The following MSRA variants were observed in gnomAD, a reference collection of about 807,000 sequenced individuals.
MSRA encodes the protein mitochondrial peptide methionine sulfoxide reductase.
Under a neutral mutation model 31.3 loss-of-function variants are expected in MSRA, and 54 were observed. That is an observed-to-expected ratio of 1.73 (90% CI 1.39 to 2.17). The LOEUF is 2.17. MSRA is among the 30% of genes most tolerant of loss of function. The pLI, the probability that MSRA is intolerant of heterozygous loss-of-function variation, is 0.00. For missense variants in MSRA, 507 were observed against 300.9 expected (o/e 1.69, Z -5.07); for synonymous variants, 169 against 116.5 (o/e 1.45, Z -2.90).
intron 2 of MSRA, among the ~76,000 whole-genome samples, chr8:10,222,269 A>G (rs1810582809): frequency 6.6e-6 from 1 of 152,178 alleles, no homozygotes; most frequent in South Asian, 2.1e-4. Context: ...CTCAAATGCC[A>G]TATTTTCATA....
At chr8:10,280,883 A>G (rs1243905162) in intron 3 of MSRA, among the ~76,000 whole-genome samples, 5 of 152,254 alleles carry the variant, frequency 3.3e-5, no homozygotes, top group East Asian at 1.9e-4. Flanking sequence ...AATGTGCTAC[A>G]TGAAAGAATC....
intron 3 of MSRA, among the ~76,000 whole-genome samples, chr8:10,276,291 G>T (rs1011718649): frequency 6.6e-6 from 1 of 152,218 alleles, no homozygotes; most frequent in Non-Finnish European, 1.5e-5. Context: ...CACCCAGCGA[G>T]AGTTGGTTAA....
intron 3 of MSRA, chr8:10,250,345 A>G (rs548740636): frequency 5.8e-6 from 4 of 692,058 alleles, no homozygotes; most frequent in African/African-American, 5.3e-5. Flanking sequence ...TTAGCCTAAT[A>G]TACAAATACC....
chr8:10,097,449 T>G (rs773571671), intron 1 of MSRA, among the ~76,000 whole-genome samples: 3 of 152,172 alleles, frequency 2.0e-5, no homozygotes, highest in Non-Finnish European at 2.9e-5. Context: ...TTGAATTGAT[T>G]ACAGGATCAT....
chr8:10,405,763 A>G (rs1265799438), intron 5 of MSRA, among the ~76,000 whole-genome samples: 2 of 49,632 alleles, frequency 4.0e-5, no homozygotes, highest in Non-Finnish European at 7.9e-5. Flanking sequence ...CCATGTGCTC[A>G]CACACACCTA....
chr8:10,164,516 G>A (rs542440669), intron 1 of MSRA, among the ~76,000 whole-genome samples: 2 of 152,154 alleles, frequency 1.3e-5, no homozygotes, highest in South Asian at 4.1e-4. Context: ...CTCCTGAATA[G>A]GCCGAAGAAA....
chr8:10,061,064 A>T (rs1802689918), intron 1 of MSRA, among the ~76,000 whole-genome samples: 1 of 152,216 alleles, frequency 6.6e-6, no homozygotes, highest in Non-Finnish European at 1.5e-5. Flanking sequence ...TTGATTTTAC[A>T]ACCTGTTCCA....
intron 5 of MSRA, among the ~76,000 whole-genome samples, chr8:10,420,943 G>T (rs557460930): frequency 1.3e-5 from 2 of 150,996 alleles, no homozygotes; most frequent in South Asian, 2.1e-4. Context: ...GCTGCACTGA[G>T]CCCTGATCAC....
intron 1 of MSRA, among the ~76,000 whole-genome samples, chr8:10,106,813 C>G (rs1799912123): frequency 6.6e-6 from 1 of 150,684 alleles, no homozygotes; most frequent in African/African-American, 2.5e-5. Flanking sequence ...TGTCTGCTAC[C>G]CACCCACCTA....
intron 5 of MSRA, among the ~76,000 whole-genome samples, chr8:10,346,261 GGAGTATA>G (rs1803767921): frequency 6.6e-6 from 1 of 152,094 alleles, no homozygotes; most frequent in South Asian, 2.1e-4. Flanking sequence ...TGAAAATATG[GGAGTATA>G]GATTCAGAAT....
At chr8:10,220,591 C>T (rs1810401472) in intron 2 of MSRA, among the ~76,000 whole-genome samples, 1 of 152,114 alleles carries the variant, frequency 6.6e-6, no homozygotes, top group African/African-American at 2.4e-5. Flanking sequence ...TCCTTTGAAT[C>T]GCATTCATGT....
intron 5 of MSRA, among the ~76,000 whole-genome samples, chr8:10,325,212 G>T (rs562411858): frequency 6.6e-6 from 1 of 152,274 alleles, no homozygotes; most frequent in Non-Finnish European, 1.5e-5. Flanking sequence ...TGACTTTCTG[G>T]CACCTCTGAT....
chr8:10,263,564 T>A (rs1447458955), intron 3 of MSRA, among the ~76,000 whole-genome samples: 1 of 152,236 alleles, frequency 6.6e-6, no homozygotes, highest in African/African-American at 2.4e-5. Flanking sequence ...GGCTTTGTTT[T>A]TAAACACTGA....
At chr8:10,136,193 CAG>C (rs1405350299) in intron 1 of MSRA, among the ~76,000 whole-genome samples, 3 of 152,156 alleles carry the variant, frequency 2.0e-5, no homozygotes, top group Non-Finnish European at 4.4e-5. Context: ...GGACCCCGGG[CAG>C]AGAGGAGCTC....
intron 2 of MSRA, among the ~76,000 whole-genome samples, chr8:10,217,903 A>G (rs1165110015): frequency 6.6e-6 from 1 of 152,044 alleles, no homozygotes; most frequent in Non-Finnish European, 1.5e-5. Flanking sequence ...GTTTCTTTTC[A>G]TCTGTAAGTT....
chr8:10,320,489 G>C (rs1363700349), intron 5 of MSRA: 1 of 152,128 alleles, frequency 6.6e-6, no homozygotes, highest in Non-Finnish European at 1.5e-5. Flanking sequence ...ATAAAGAGTA[G>C]GCCCTTATGT....
Position 10,275,394 on chromosome 8 carries a change from C to T in MSRA, c.332-26140C>T, listed in dbSNP as rs1003978512. Among the ~76,000 whole-genome samples, 5 of 152,182 alleles carry T rather than the reference C, an allele frequency of 3.3e-5. No individual in the cohort carries two copies. The East Asian group carries it at 9.6e-4, about 29-fold the overall frequency. ...TTAGTCCAAGCCTTGTGTAAGGGTT[C>T]ACAGTATGATTTTACTATTTTGTAG... On this transcript the variant is annotated intron_variant, in intron 3 of 5. Transcript: ENST00000317173.
chr8:10,239,250 C>T (rs1393287957), intron 2 of MSRA, among the ~76,000 whole-genome samples: 1 of 152,060 alleles, frequency 6.6e-6, no homozygotes, highest in Non-Finnish European at 1.5e-5. Flanking sequence ...CAACCTCTGC[C>T]TCCCAGGTTC....
At chr8:10,091,523 A>G (rs7012397) in intron 1 of MSRA, among the ~76,000 whole-genome samples, 9,493 of 151,958 alleles carry the variant, frequency 0.062, 978 homozygotes, top group African/African-American at 0.21. Context: ...GGCAGTGAAC[A>G]TGGGAGTACA....
Sources: gnomAD v4.1 joint callset for allele counts (sites outside exome capture counted in the v4.1 genomes callset) on GRCh38, gnomAD v4.1.1 for gene constraint, MANE v1.5 for transcripts, NCBI Gene and HGNC (gene_info 2026-07-23, HGNC 2026-07-21) for gene names.